The following UTP20 variants were observed in gnomAD, a reference collection of about 807,000 sequenced individuals.
The protein encoded by UTP20 is UTP20 small subunit processome component.
In UTP20, 164 loss-of-function variants were observed where a neutral mutation model predicts 329.5. The ratio of observed to expected loss-of-function variants is 0.50; its 90% CI spans 0.44 to 0.57. UTP20 has a LOEUF of 0.57. Among genes scored for constraint, UTP20 ranks in the 20% least tolerant of loss-of-function variants. The probability of loss-of-function intolerance (pLI) is 0.00; values close to 1 mark genes in which losing one functional copy is unlikely to be tolerated. For missense variants in UTP20, 3,055 were observed against 3,284.2 expected, an observed-to-expected ratio of 0.93 and a Z score of 1.71; for synonymous variants, 1,151 against 1,159.3, an observed-to-expected ratio of 0.99 and a Z score of 0.14.
At chr12:101,379,233 CCCAG>C in intron 56 of UTP20, 134 bp from the exon 57 acceptor site, 4 of 676,290 alleles carry the variant, frequency 5.9e-6, no homozygotes, top group Non-Finnish European at 9.4e-6. Context: ...GCCCCCACTT[CCCAG>C]CCATTGGCTT....
chr12:101,291,052 A>G (rs1464655772), intron 8 of UTP20, 164 bp downstream of exon 8: 6 of 624,770 alleles, frequency 9.6e-6, no homozygotes, highest in African/African-American at 1.9e-5. Flanking sequence ...CCCCTGTGCT[A>G]TTTTTTATTT....
intron 17 of UTP20, among the ~76,000 whole-genome samples, chr12:101,307,126 C>T (rs1448865060): frequency 2.0e-5 from 3 of 148,812 alleles, no homozygotes; most frequent in Non-Finnish European, 4.4e-5. Flanking sequence ...TGCAGTGAGC[C>T]GAGATCGCAC....
At chr12:101,354,612 C>T (rs1048289617) in intron 40 of UTP20, among the ~76,000 whole-genome samples, 2 of 152,122 alleles carry the variant, frequency 1.3e-5, no homozygotes, top group Non-Finnish European at 2.9e-5. Flanking sequence ...CTTTTATAAT[C>T]GGCAGTTTAT....
rs1232694858 is a variant in UTP20, at chr12:101,317,592, A to G, written c.2667A>G (p.Glu889=). The stretch of plus-strand genomic sequence containing the variant: ...AGGAACCTGCCGCAGGAGATGATGA[A>G]GAGTTGGAGGAAGAGGCAGTGCCCC... ...IEEEPAAGDD[E]ELEEEAVPQD... The change falls in exon 22 of 62, where the codon GAA becomes GAG. Residue 889 remains glutamate, a synonymous_variant. Transcript: ENST00000261637. The G allele has an allele frequency of 1.2e-5, 19 of 1,614,186 alleles. No homozygotes were observed. In the Middle Eastern group the frequency reaches 8.3e-4, roughly 70 times the overall value.
chr12:101,356,462 G>A (rs1869724516), intron 41 of UTP20, 92 bp from the exon 42 acceptor site: 1 of 1,179,058 alleles, frequency 8.5e-7, no homozygotes. Context: ...CATCCTTCTA[G>A]AAAAACTTGT....
chr12:101,317,508 T>G lies in UTP20; in HGVS notation c.2583T>G (p.Val861=). 1 of 1,614,134 alleles carries G rather than the reference T, an allele frequency of 6.2e-7. No individual in the cohort carries two copies. ...NNEYYPADLQ[V]APTQDLRRKG... Reference sequence around the variant, plus strand: ...AGTATTACCCAGCAGATCTGCAAGTTGCTCCAACCCAGGATCTACGGAGAA... The same window carrying G: ...AGTATTACCCAGCAGATCTGCAAGTGGCTCCAACCCAGGATCTACGGAGAA... Residue 861 remains valine (V), a synonymous_variant, in exon 22 of 62, where the codon GTT becomes GTG. Transcript: ENST00000261637.
chr12:101,312,995 G>A (rs1272635262), intron 21 of UTP20, among the ~76,000 whole-genome samples: 1 of 152,068 alleles, frequency 6.6e-6, no homozygotes, highest in African/African-American at 2.4e-5. Flanking sequence ...TGCCTGCCTG[G>A]GGCTTGAAGG....
chr12:101,332,620 C>T (rs78332043), intron 27 of UTP20, among the ~76,000 whole-genome samples: 3,068 of 152,292 alleles, frequency 0.02, 111 homozygotes, highest in African/African-American at 0.071. Flanking sequence ...CTCATTCCAG[C>T]CTCTATGCCT....
At position 101,354,913 on chromosome 12, in the gene UTP20, G is replaced by A. The variant is rs1397969450; in HGVS notation, c.5189G>A (p.Cys1730Tyr). Residue 1730 changes from cysteine to tyrosine, a missense_variant, in exon 41 of 62, where the codon TGC becomes TAC. By Grantham distance (194) the Cys-to-Tyr change is radical (BLOSUM62 -2). Coordinates refer to ENST00000261637, the MANE Select transcript of UTP20 (RefSeq NM_014503.3). ...GATGAGGAAGAGAAGGAATATACAT[G>A]CAAGAGTTTGTCAGACAACGGACAA... ...RVDEEEKEYT[C>Y]KSLSDNGQPG... 4.3e-6 allele frequency: 7 copies of A among 1,614,170 alleles called. No homozygotes were observed. Among genetic ancestry groups the A allele is most frequent in the South Asian group, 1.1e-5 (1 of 91,090 alleles).
At chr12:101,324,495 C>G (rs1296991975) in intron 25 of UTP20, among the ~76,000 whole-genome samples, 1 of 152,074 alleles carries the variant, frequency 6.6e-6, no homozygotes, top group Non-Finnish European at 1.5e-5. Flanking sequence ...TCTCAAAACT[C>G]CTGAGCTCAG....
rs201554559 is a variant in UTP20 at position 101,309,822 on chromosome 12, T to C, written c.2214T>C (p.Pro738=). ...LYINFSALWD[P]VIELISSHAH... ...TTAATTTCAGTGCACTCTGGGATCC[T>C]GTTATTGAACTCATAAGGTAAACAT... is the stretch of plus-strand genomic sequence containing the variant. Residue 738 remains proline, a synonymous_variant, in exon 19 of 62, where the codon CCT becomes CCC. Transcript: ENST00000261637. 4 of 1,613,332 alleles carry C rather than the reference T, an allele frequency of 2.5e-6. No homozygotes were observed. The highest frequency in any genetic ancestry group is 2.2e-5 in the East Asian group (1 of 44,850).
At chr12:101,342,099 G>C (rs1026988979) in intron 32 of UTP20, among the ~76,000 whole-genome samples, 13 of 152,036 alleles carry the variant, frequency 8.6e-5, no homozygotes, top group Non-Finnish European at 1.8e-4. Flanking sequence ...TTGGAGTTTG[G>C]TATTTTTTGG....
chr12:101,374,731 T>C lies in UTP20; in HGVS notation c.7132-77T>C, dbSNP rs1870415142. ...TCTCTGAATGTTGAGGACAAAATAA[T>C]GCCCACCTTTATTTTACAGTTTCAG... On this transcript the variant is annotated intron_variant, in intron 54 of 61. Transcript: ENST00000261637. 3 of 752,016 alleles carry C rather than the reference T, an allele frequency of 4.0e-6. No homozygotes were observed. The Admixed American group carries it at 6.6e-5, about 17-fold the overall frequency. The allele number at this position is 752,016 out of a possible 1,614,324, so 46.6% of individuals were successfully genotyped here. A position where few individuals can be genotyped will look rare whatever the true frequency, so the allele number is the denominator to read the frequency against.
intron 8 of UTP20, 67 bp downstream of exon 8, chr12:101,290,955 G>A: frequency 6.6e-7 from 1 of 1,514,904 alleles, no homozygotes; most frequent in Non-Finnish European, 8.9e-7. Context: ...TCTGCTCTCA[G>A]TTTTGCAAAT....
chr12:101,350,610 C>T (rs568028868), intron 38 of UTP20, among the ~76,000 whole-genome samples: 65 of 152,260 alleles, frequency 4.3e-4, no homozygotes, highest in Admixed American at 7.2e-4. Flanking sequence ...TTCAAGCTCT[C>T]TTAGGGCAGG....
At chr12:101,297,794 C>T (rs1399189443) in intron 12 of UTP20, among the ~76,000 whole-genome samples, 1 of 152,154 alleles carries the variant, frequency 6.6e-6, no homozygotes, top group African/African-American at 2.4e-5. Context: ...TGAGGTGAAG[C>T]TAAGGGACTG....
At chr12:101,331,201 A>T (rs893760606) in intron 27 of UTP20, among the ~76,000 whole-genome samples, 1 of 152,204 alleles carries the variant, frequency 6.6e-6, no homozygotes, top group African/African-American at 2.4e-5. Flanking sequence ...ATTATTGAGT[A>T]AATTGGGCAG....
chr12:101,347,864 T>C (rs1358180929), intron 38 of UTP20, among the ~76,000 whole-genome samples: 1 of 152,198 alleles, frequency 6.6e-6, no homozygotes, highest in East Asian at 1.9e-4. Flanking sequence ...AGTCTCACTC[T>C]GTCACCTAGG....
chr12:101,352,165 G>A lies in UTP20; in HGVS notation c.4995G>A (p.Thr1665=), dbSNP rs552022625. The change falls in exon 39 of 62, where the codon ACG becomes ACA. Residue 1665 remains threonine, a synonymous_variant. Transcript: ENST00000261637. ...AACATTTCATTCATGTCTTACAAAC[G>A]GGACAGATCAATCAAAAACTGGGTG... The part of the protein sequence containing the change: ...YLKHFIHVLQ[T]GQINQKLGVS... The A allele has an allele frequency of 2.9e-5, 47 of 1,610,162 alleles. No individual in the cohort carries two copies. In the South Asian group the frequency reaches 3.4e-4, roughly 12 times the overall value.
Sources: gnomAD v4.1 joint callset for allele counts (sites outside exome capture counted in the v4.1 genomes callset) on GRCh38, gnomAD v4.1.1 for gene constraint, MANE v1.5 for transcripts, NCBI Gene and HGNC (gene_info 2026-07-23, HGNC 2026-07-21) for gene names.